The following TAB1 variants were observed in gnomAD, a reference collection of about 807,000 sequenced individuals.
The protein encoded by TAB1 is TGF-beta-activated kinase 1 and MAP3K7-binding protein 1.
Under a neutral mutation model 54.5 loss-of-function variants are expected in TAB1, and 30 were observed. The observed-to-expected ratio is 0.55, with a 90% CI of 0.41 to 0.75. TAB1 has a LOEUF of 0.75. Ranked by LOEUF, TAB1 falls within the 30% of genes least tolerant of loss-of-function variation. The pLI, the probability that TAB1 is intolerant of heterozygous loss-of-function variation, is 0.00. For missense variants in TAB1, 609 were observed against 683.2 expected (o/e 0.89, Z 1.21); for synonymous variants, 289 against 286.9 (o/e 1.01, Z -0.07).
downstream of TAB1, chr22:39,436,629 T>C (rs1315349703): frequency 7.2e-7 from 1 of 1,380,028 alleles, no homozygotes; most frequent in East Asian, 2.3e-5. Flanking sequence ...TGGGGTTTTG[T>C]CGCCTGGTCT....
intron 1 of TAB1, among the ~76,000 whole-genome samples, chr22:39,409,465 C>G (rs544762066): frequency 1.4e-4 from 21 of 152,222 alleles, no homozygotes; most frequent in Non-Finnish European, 2.4e-4. Flanking sequence ...GCCCTCCCCC[C>G]CAGGCACATA....
At chr22:39,422,987 T>C (rs866382050) in intron 8 of TAB1, among the ~76,000 whole-genome samples, 47 of 151,788 alleles carry the variant, frequency 3.1e-4, no homozygotes, top group African/African-American at 1.1e-3. Context: ...ACTTTTTTTT[T>C]TTTTTTTTTA....
Position 39,429,014 on chromosome 22 carries a change from G to A in TAB1, c.1307+831G>A, listed in dbSNP as rs3788552. The stretch of plus-strand genomic sequence containing the variant: ...GTGGCCTCTCCAGCACCCCTGCCGG[G>A]CTGCCTGGAGGAGTCCTCCAGCTGT... On this transcript the variant is annotated intron_variant, in intron 10 of 10. Coordinates refer to ENST00000216160, the MANE Select transcript of TAB1 (RefSeq NM_006116.3). 1,113 of 978,036 alleles carry A rather than the reference G, an allele frequency of 1.1e-3. 5 individuals carry two copies. In the East Asian group the frequency reaches 0.025, roughly 22 times the overall value. The allele number at this position is 978,036 out of a possible 1,614,324, so 60.6% of individuals were successfully genotyped here. A position where few individuals can be genotyped will look rare whatever the true frequency, so the allele number is the denominator to read the frequency against.
intron 1 of TAB1, among the ~76,000 whole-genome samples, chr22:39,413,497 A>G (rs1353140440): frequency 6.7e-6 from 1 of 149,698 alleles, no homozygotes; most frequent in Non-Finnish European, 1.5e-5. Flanking sequence ...GCTCGCTGCA[A>G]CCTCCGACTC....
rs185991241 is a variant in TAB1, at chr22:39,408,465, T to C, written c.34-6541T>C. 3.9e-5 allele frequency among the ~76,000 whole-genome samples: 6 copies of C among 152,366 alleles called. No individual in the cohort carries two copies. The East Asian group carries it at 1.2e-3, about 29-fold the overall frequency. On this transcript the variant is annotated intron_variant, in intron 1 of 10. Coordinates refer to ENST00000216160, the MANE Select transcript of TAB1 (RefSeq NM_006116.3). ...GCCTGTTTGAGCTTGTTTCTTTCTT[T>C]ACTTGTGGAAGACAATTTCACTGGC...
Position 39,426,836 on chromosome 22 carries a change from G to T in TAB1, c.1055G>T (p.Cys352Phe). The T allele has an allele frequency of 5.0e-6, 8 of 1,613,678 alleles. No individual in the cohort carries two copies. The highest frequency in any genetic ancestry group is 6.8e-6 in the Non-Finnish European group (8 of 1,180,046). ...FASGGERARFCPRHEDMTLLV... is the reference protein window; with the variant it reads ...FASGGERARFFPRHEDMTLLV... ...AGTGGTGGGGAGCGTGCCAGGTTCTGCCCCCGGCACGAGGACATGACCCTG... is the reference window on the plus strand; with the variant it reads ...AGTGGTGGGGAGCGTGCCAGGTTCTTCCCCCGGCACGAGGACATGACCCTG... The change falls in exon 9 of 11, where the codon TGC (cysteine) becomes TTC (phenylalanine). Residue 352 changes from cysteine (C) to phenylalanine (F), a missense_variant. Coordinates refer to ENST00000216160, the MANE Select transcript of TAB1 (RefSeq NM_006116.3).
chr22:39,417,595 TG>T, intron 4 of TAB1, 115 bp from the exon 5 acceptor site: 1 of 1,064,546 alleles, frequency 9.4e-7, no homozygotes, highest in Non-Finnish European at 1.3e-6. Context: ...CACTGTAGCC[TG>T]GGGGACACAG....
chr22:39,425,296 A>G (rs1405370921), intron 8 of TAB1, among the ~76,000 whole-genome samples: 1 of 152,014 alleles, frequency 6.6e-6, no homozygotes, highest in African/African-American at 2.4e-5. Context: ...AGGCGGGAGA[A>G]TTCTTGAACC....
At chr22:39,423,947 A>G (rs1335854374) in intron 8 of TAB1, among the ~76,000 whole-genome samples, 1 of 149,928 alleles carries the variant, frequency 6.7e-6, no homozygotes, top group East Asian at 2.1e-4. Flanking sequence ...ACTAATGTAT[A>G]GTGTTTTATA....
At chr22:39,427,840 C>T (rs1266704568) in intron 9 of TAB1, among the ~76,000 whole-genome samples, 181 bp from the exon 10 acceptor site, 3 of 152,184 alleles carry the variant, frequency 2.0e-5, no homozygotes, top group Non-Finnish European at 4.4e-5. Context: ...TGACAAGGGA[C>T]ACTCCTCCTG....
rs1167727068 is a variant in TAB1, at chr22:39,430,859, G to T, written c.*637G>T. The stretch of plus-strand genomic sequence containing the variant: ...CAGGCCAGGTGGAAAGGAGCCAGGG[G>T]GAAGTGGTCTAAGAGACCTGGAACT... On this transcript the variant is annotated 3_prime_UTR_variant, in exon 11 of 11. Coordinates refer to ENST00000216160, the MANE Select transcript of TAB1 (RefSeq NM_006116.3). 4.0e-6 allele frequency: 4 copies of T among 990,448 alleles called. No homozygotes were observed. Among genetic ancestry groups the T allele is most frequent in the African/African-American group, 1.7e-5 (1 of 57,326 alleles). 61.4% of individuals were successfully genotyped at this position (990,448 alleles called of 1,614,324 possible). A position where few individuals can be genotyped will look rare whatever the true frequency, so the allele number is the denominator to read the frequency against.
intron 4 of TAB1, 142 bp downstream of exon 4, chr22:39,417,019 G>A: frequency 3.9e-6 from 3 of 763,584 alleles, no homozygotes; most frequent in South Asian, 3.3e-5. Flanking sequence ...ACTGGTGTGT[G>A]GCCACAGGTG....
intron 7 of TAB1, among the ~76,000 whole-genome samples, chr22:39,420,060 G>T (rs1026527498): frequency 2.6e-5 from 4 of 152,236 alleles, no homozygotes; most frequent in African/African-American, 4.8e-5. Flanking sequence ...AGGCCTGTTG[G>T]TCGGTGCTGC....
In TAB1 at chr22:39,415,041, C is replaced by T; in HGVS notation, c.69C>T (p.Leu23=). Residue 23 remains leucine, a synonymous_variant, in exon 2 of 11, where the codon CTC becomes CTT. Coordinates refer to ENST00000216160, the MANE Select transcript of TAB1 (RefSeq NM_006116.3). This position sits in a 1 kb window ranked among gnomAD's most constrained non-coding sequence, Gnocchi z 4.9. The part of the protein sequence containing the change: ...QQPSWTDDLP[L]CHLSGVGSAS... ...CAAGCTGGACAGATGACCTGCCTCT[C>T]TGCCACCTCTCTGGGGTTGGCTCAG... The T allele has an allele frequency of 6.2e-7, 1 of 1,614,150 alleles. No homozygotes were observed. The highest frequency in any genetic ancestry group is 1.1e-5 in the South Asian group (1 of 91,086).
At chr22:39,407,934 T>C (rs1423154713) in intron 1 of TAB1, among the ~76,000 whole-genome samples, 1 of 152,198 alleles carries the variant, frequency 6.6e-6, no homozygotes, top group Non-Finnish European at 1.5e-5. Flanking sequence ...GGCCCTGATC[T>C]TAATGAAGTG....
intron 1 of TAB1, among the ~76,000 whole-genome samples, chr22:39,408,898 A>G (rs1926491974): frequency 6.6e-6 from 1 of 152,166 alleles, no homozygotes; most frequent in Non-Finnish European, 1.5e-5. Context: ...ATTTTTTTAG[A>G]AAGATTCAAG....
intron 10 of TAB1, among the ~76,000 whole-genome samples, chr22:39,428,960 G>A (rs1927470006): frequency 6.6e-6 from 1 of 152,250 alleles, no homozygotes; most frequent in South Asian, 2.1e-4. Context: ...GGCCGAGCAA[G>A]CTCCTTGGGC....
At chr22:39,429,756 A>G in intron 10 of TAB1, 2 of 929,272 alleles carry the variant, frequency 2.2e-6, no homozygotes, top group South Asian at 1.0e-4. Flanking sequence ...TGCTGGGATT[A>G]CAGGCATGAG....
downstream of TAB1, among the ~76,000 whole-genome samples, chr22:39,434,320 G>A (rs1408470361): frequency 1.3e-5 from 2 of 152,266 alleles, no homozygotes; most frequent in African/African-American, 2.4e-5. Context: ...AGCAGGTACC[G>A]GGTCGATGCT....
Sources: allele counts gnomAD v4.1 joint callset (sites outside exome capture counted in the v4.1 genomes callset), GRCh38; gene constraint gnomAD v4.1.1; non-coding constraint Gnocchi (gnomAD v3.1); transcripts MANE v1.5; gene names NCBI Gene and HGNC (gene_info 2026-07-23, HGNC 2026-07-21).